SAMSN1: variants seen among roughly 807,000 people sequenced by gnomAD.
SAMSN1 encodes SAM domain-containing protein SAMSN-1.
In SAMSN1, 31 loss-of-function variants were observed where a neutral mutation model predicts 42.0. The ratio of observed to expected loss-of-function variants is 0.74; its 90% CI spans 0.55 to 1.00. The LOEUF is 1.00. SAMSN1 is among the 50% of genes least tolerant of loss of function. The pLI is 0.00. For synonymous variants in SAMSN1, 178 were observed against 151.9 expected (o/e 1.17, Z -1.26); for missense variants, 464 against 439.4 (o/e 1.06, Z -0.50).
chr21:14,550,773 G>A (rs1192173154), upstream of SAMSN1, among the ~76,000 whole-genome samples: 2 of 150,828 alleles, frequency 1.3e-5, no homozygotes, highest in African/African-American at 2.5e-5. Flanking sequence ...ATACTGGAAG[G>A]TTCCTTTCAA....
chr21:14,627,969 A>G (rs1426019432), intron 2 of SAMSN1, among the ~76,000 whole-genome samples: 7 of 152,150 alleles, frequency 4.6e-5, no homozygotes, highest in Non-Finnish European at 1.0e-4. Flanking sequence ...TCCATGTTGA[A>G]TATCCTCACC....
chr21:14,494,716 A>C (rs1986840660), intron 7 of SAMSN1, among the ~76,000 whole-genome samples: 1 of 152,194 alleles, frequency 6.6e-6, no homozygotes, highest in Admixed American at 6.5e-5. Flanking sequence ...TACAAAAAAA[A>C]AAAAAAGTGT....
chr21:14,544,276 C>G (rs1980241762), intron 1 of SAMSN1, among the ~76,000 whole-genome samples: 1 of 152,156 alleles, frequency 6.6e-6, no homozygotes, highest in South Asian at 2.1e-4. Flanking sequence ...GGCTGGAACT[C>G]CTGAACTCAA....
chr21:14,597,585 C>A (rs1289662348), intron 6 of SAMSN1, among the ~76,000 whole-genome samples: 2 of 152,092 alleles, frequency 1.3e-5, no homozygotes, highest in East Asian at 1.9e-4. Context: ...TTAGCATTAG[C>A]AAAAGTGATT....
At chr21:14,520,242 G>T (rs1462234481) in intron 2 of SAMSN1, among the ~76,000 whole-genome samples, 2 of 152,194 alleles carry the variant, frequency 1.3e-5, no homozygotes, top group Non-Finnish European at 2.9e-5. Context: ...CCAATGGGAT[G>T]TTTCAGTGTA....
chr21:14,498,527 C>T lies in SAMSN1; in HGVS notation c.834G>A (p.Glu278=). ...CAATATTTAATTCAATGAGGTGACTCTCTTTTATATCTTTTAAATCTTCTA... is the reference window on the plus strand; with the variant it reads ...CAATATTTAATTCAATGAGGTGACTTTCTTTTATATCTTTTAAATCTTCTA... ...ETLEDLKDIK[E]SHLIELNIEN... Residue 278 remains glutamate, a synonymous_variant, in exon 7 of 8, where the codon GAG becomes GAA. Coordinates refer to ENST00000400566, the MANE Select transcript of SAMSN1 (RefSeq NM_022136.5). 2 of 1,611,078 alleles carry T rather than the reference C, an allele frequency of 1.2e-6. No homozygotes were observed. Among genetic ancestry groups the T allele is most frequent in the South Asian group, 1.1e-5 (1 of 90,694 alleles).
At chr21:14,522,645 C>T (rs1398163153) in intron 1 of SAMSN1, among the ~76,000 whole-genome samples, 1 of 152,070 alleles carries the variant, frequency 6.6e-6, no homozygotes, top group Non-Finnish European at 1.5e-5. Flanking sequence ...ATAACAAGTT[C>T]CTGTGATCTA....
intron 7 of SAMSN1, among the ~76,000 whole-genome samples, chr21:14,487,388 T>C (rs1171367838): frequency 1.3e-5 from 2 of 152,036 alleles, no homozygotes; most frequent in Admixed American, 1.3e-4. Flanking sequence ...CATTTTCTAG[T>C]TTCCATATGT....
chr21:14,503,751 G>T (rs1303746372), intron 5 of SAMSN1, among the ~76,000 whole-genome samples: 1 of 152,182 alleles, frequency 6.6e-6, no homozygotes, highest in East Asian at 1.9e-4. Flanking sequence ...AGAGGAGTGT[G>T]TGGATGCTCA....
At chr21:14,576,249 G>T (rs1981458326) in intron 2 of SAMSN1, among the ~76,000 whole-genome samples, 1 of 152,114 alleles carries the variant, frequency 6.6e-6, no homozygotes, top group Admixed American at 6.5e-5. Context: ...TTATCAGTTA[G>T]AATAGTCAAG....
chr21:14,612,931 A>C (rs576025735), intron 3 of SAMSN1: 1 of 692,312 alleles, frequency 1.4e-6, no homozygotes, highest in Admixed American at 2.3e-5. Context: ...AATAAAAGAA[A>C]AAGATATTTA....
upstream of SAMSN1, among the ~76,000 whole-genome samples, chr21:14,586,281 A>G (rs1163934345): frequency 2.0e-5 from 3 of 149,666 alleles, no homozygotes; most frequent in Non-Finnish European, 4.5e-5. Flanking sequence ...AAAAAAAAGA[A>G]AAAGAAAAAA....
chr21:14,608,448 A>G (rs1982620614), intron 5 of SAMSN1, among the ~76,000 whole-genome samples: 1 of 152,194 alleles, frequency 6.6e-6, no homozygotes, highest in African/African-American at 2.4e-5. Flanking sequence ...TAGCCCCTCC[A>G]CAGTGGGCTG....
At chr21:14,648,549 C>T (rs1844897420) in intron 1 of SAMSN1, among the ~76,000 whole-genome samples, 2 of 152,148 alleles carry the variant, frequency 1.3e-5, no homozygotes, top group South Asian at 4.1e-4. Flanking sequence ...CCAGAATCTA[C>T]AATGAACTCA....
intron 6 of SAMSN1, among the ~76,000 whole-genome samples, chr21:14,601,629 T>C (rs893996925): frequency 1.3e-5 from 2 of 152,180 alleles, no homozygotes; most frequent in Non-Finnish European, 2.9e-5. Flanking sequence ...TTCAGACTTT[T>C]TTAATTATCC....
At chr21:14,544,103 G>A (rs1444050216) in intron 1 of SAMSN1, among the ~76,000 whole-genome samples, 3 of 152,180 alleles carry the variant, frequency 2.0e-5, no homozygotes, top group African/African-American at 7.2e-5. Context: ...AGGCTGGAGT[G>A]CAGTGGCACG....
chr21:14,601,612 C>T (rs1242478476), intron 6 of SAMSN1, among the ~76,000 whole-genome samples: 1 of 152,070 alleles, frequency 6.6e-6, no homozygotes, highest in Non-Finnish European at 1.5e-5. Flanking sequence ...ATTAGTGAGG[C>T]CAAACATTCA....
intron 1 of SAMSN1, among the ~76,000 whole-genome samples, chr21:14,544,694 T>C (rs956670187): frequency 1.3e-5 from 2 of 152,164 alleles, no homozygotes; most frequent in Non-Finnish European, 2.9e-5. Context: ...AAGTCAAGAT[T>C]AACAATATTC....
At chr21:14,580,781 G>A (rs187200461) in intron 2 of SAMSN1, among the ~76,000 whole-genome samples, 2 of 152,286 alleles carry the variant, frequency 1.3e-5, no homozygotes, top group East Asian at 3.9e-4. Context: ...CTCTAAATAT[G>A]TTATAAAATG....
Sources: gnomAD v4.1 joint callset for allele counts (sites outside exome capture counted in the v4.1 genomes callset) on GRCh38, gnomAD v4.1.1 for gene constraint, MANE v1.5 for transcripts, NCBI Gene and HGNC (gene_info 2026-07-23, HGNC 2026-07-21) for gene names.